PLD1: variants seen among roughly 807,000 people sequenced by gnomAD.
PLD1 encodes phospholipase D1.
In PLD1, 112 loss-of-function variants were observed where a neutral mutation model predicts 137.1. That is an observed-to-expected ratio of 0.82 (90% confidence interval 0.70 to 0.96). PLD1 has a LOEUF of 0.96. PLD1 is among the 40% of genes least tolerant of loss of function. The pLI is 0.00. For synonymous variants in PLD1, 431 were observed against 454.7 expected (o/e 0.95, Z 0.66); for missense variants, 1,321 against 1,342.0 (o/e 0.98, Z 0.24).
intron 8 of PLD1, among the ~76,000 whole-genome samples, chr3:171,716,631 A>G (rs1016827590): frequency 1.3e-5 from 2 of 152,052 alleles, no homozygotes; most frequent in African/African-American, 2.4e-5. Context: ...CCTTATAGAT[A>G]CTGGCTATTA....
chr3:171,635,909 C>G (rs547026408), intron 23 of PLD1, among the ~76,000 whole-genome samples: 1 of 140,844 alleles, frequency 7.1e-6, no homozygotes, highest in East Asian at 2.1e-4. Flanking sequence ...TACATTTAGG[C>G]CTTTGATCCA....
intron 1 of PLD1, among the ~76,000 whole-genome samples, chr3:171,774,427 C>T (rs1281482106): frequency 6.6e-6 from 1 of 152,078 alleles, no homozygotes; most frequent in African/African-American, 2.4e-5. Context: ...CCTGCAGGGA[C>T]CTTAGTAAGG....
chr3:171,695,858 C>T (rs1715647420), intron 12 of PLD1, among the ~76,000 whole-genome samples: 1 of 151,802 alleles, frequency 6.6e-6, no homozygotes, highest in Non-Finnish European at 1.5e-5. Context: ...AAATCACTTC[C>T]TCACCGTTTA....
intron 14 of PLD1, 55 bp from the exon 15 acceptor site, chr3:171,687,639 G>A: frequency 1.8e-6 from 2 of 1,090,810 alleles, no homozygotes; most frequent in East Asian, 2.4e-5. Flanking sequence ...CTGCAGTGTG[G>A]TTCTTTAATT....
At chr3:171,773,849 C>T (rs1722496941) in intron 1 of PLD1, among the ~76,000 whole-genome samples, 1 of 152,024 alleles carries the variant, frequency 6.6e-6, no homozygotes, top group South Asian at 2.1e-4. Flanking sequence ...CCTGGGTTCA[C>T]GCCATTCTTC....
chr3:171,734,841 C>T, intron 5 of PLD1, 24 bp downstream of exon 5: 1 of 1,466,794 alleles, frequency 6.8e-7, no homozygotes, highest in Non-Finnish European at 9.6e-7. Flanking sequence ...AGGTTTAAAA[C>T]CACAGAATAG....
chr3:171,651,425 A>C (rs1398628740), intron 21 of PLD1, among the ~76,000 whole-genome samples: 1 of 151,864 alleles, frequency 6.6e-6, no homozygotes, highest in Non-Finnish European at 1.5e-5. Flanking sequence ...TTGGGACATA[A>C]CCCCTTTTAT....
intron 11 of PLD1, 45 bp downstream of exon 11, chr3:171,708,710 A>G: frequency 1.0e-6 from 1 of 989,026 alleles, no homozygotes; most frequent in Non-Finnish European, 1.6e-6. Flanking sequence ...TACATTTCTA[A>G]ACATAGAGAC....
At chr3:171,770,888 C>CAA (rs34683994) in intron 1 of PLD1, among the ~76,000 whole-genome samples, 614 of 39,838 alleles carry the variant, frequency 0.015, 4 homozygotes, top group Non-Finnish European at 0.024. Flanking sequence ...AACCCTATCT[C>CAA]AAAAAAAAAA....
intron 1 of PLD1, among the ~76,000 whole-genome samples, chr3:171,764,823 AAGAGAAAGAAAG>A (rs1560287781): frequency 8.8e-5 from 2 of 22,782 alleles, no homozygotes; most frequent in African/African-American, 1.8e-4. Context: ...GAAAGAAAGA[AAGAGAAAGAAAG>A]AAAGAAAGAA....
chr3:171,694,423 G>A (rs1297376045), intron 12 of PLD1, among the ~76,000 whole-genome samples: 1 of 152,108 alleles, frequency 6.6e-6, no homozygotes, highest in Non-Finnish European at 1.5e-5. Context: ...GGTCTGGCCA[G>A]AGAGTGCTCT....
chr3:171,799,150 C>T (rs1228972045), intron 1 of PLD1, among the ~76,000 whole-genome samples: 1 of 152,016 alleles, frequency 6.6e-6, no homozygotes, highest in African/African-American at 2.4e-5. Flanking sequence ...ACCAGCCTGA[C>T]CAACACGGTG....
intron 19 of PLD1, among the ~76,000 whole-genome samples, chr3:171,667,476 A>C (rs9858157): frequency 0.04 from 6,126 of 152,286 alleles, 401 homozygotes; most frequent in African/African-American, 0.14. Context: ...CAGAAAGAAA[A>C]GATAATTATT....
chr3:171,672,399 G>A (rs1237430142), intron 19 of PLD1, among the ~76,000 whole-genome samples: 1 of 152,166 alleles, frequency 6.6e-6, no homozygotes, highest in Non-Finnish European at 1.5e-5. Context: ...CCTTGGCTTT[G>A]TAGATTCTTG....
chr3:171,666,898 T>C (rs1712206270), intron 19 of PLD1, among the ~76,000 whole-genome samples: 1 of 152,216 alleles, frequency 6.6e-6, no homozygotes, highest in Non-Finnish European at 1.5e-5. Flanking sequence ...GTCTTATTTT[T>C]TAACCTAAAA....
At chr3:171,682,570 G>A (rs1249829296) in intron 16 of PLD1, among the ~76,000 whole-genome samples, 1 of 152,228 alleles carries the variant, frequency 6.6e-6, no homozygotes, top group African/African-American at 2.4e-5. Context: ...CTTAATTTGG[G>A]TTTCAAGTTT....
At position 171,678,712 on chromosome 3, in the gene PLD1, A is replaced by G. The variant is rs757314355; in HGVS notation, c.1868-1018T>C. On this transcript the variant is annotated intron_variant, in intron 16 of 26. Transcript: ENST00000351298. Reference sequence around the variant, plus strand: ...TGCACTCTTTGCTTAAAACCCTGGAAGGTTCACATACTGCCTATAGGAAGC... The same window carrying G: ...TGCACTCTTTGCTTAAAACCCTGGAGGGTTCACATACTGCCTATAGGAAGC... Among the ~76,000 whole-genome samples, 11 of 152,204 alleles carry G rather than the reference A, an allele frequency of 7.2e-5. 1 individual carries two copies. The highest frequency in any genetic ancestry group is 1.3e-4 in the Non-Finnish European group (9 of 68,034).
chr3:171,707,085 A>T (rs1716754457), intron 11 of PLD1, among the ~76,000 whole-genome samples: 1 of 152,320 alleles, frequency 6.6e-6, no homozygotes, highest in African/African-American at 2.4e-5. Context: ...CGAATACTAC[A>T]TGTTCTCACT....
intron 21 of PLD1, among the ~76,000 whole-genome samples, chr3:171,645,669 G>C (rs1191878713): frequency 1.3e-5 from 2 of 151,942 alleles, no homozygotes; most frequent in African/African-American, 4.8e-5. Flanking sequence ...TGGACCACGA[G>C]GTCAAGAAAT....
Sources: allele counts gnomAD v4.1 joint callset (sites outside exome capture counted in the v4.1 genomes callset), GRCh38; gene constraint gnomAD v4.1.1; transcripts MANE v1.5; gene names NCBI Gene and HGNC (gene_info 2026-07-23, HGNC 2026-07-21).